NLGN1: variants seen among roughly 807,000 people sequenced by gnomAD.
NLGN1 encodes neuroligin-1.
A neutral mutation model predicts 65.5 loss-of-function variants in NLGN1; 12 were observed. The observed-to-expected ratio is 0.18, with a 90% confidence interval of 0.12 to 0.30. The LOEUF (loss-of-function observed/expected upper bound fraction) is 0.30, where lower values mean the gene tolerates loss of function less well. Among genes scored for constraint, NLGN1 ranks in the 10% least tolerant of loss-of-function variants. NLGN1 has a pLI of 1.00. For missense variants in NLGN1, 750 were observed against 1,007.1 expected (o/e 0.74, Z 3.46); for synonymous variants, 350 against 359.5 (o/e 0.97, Z 0.30).
At chr3:173,866,044 C>T (rs1730099167) in intron 4 of NLGN1, among the ~76,000 whole-genome samples, 1 of 152,132 alleles carries the variant, frequency 6.6e-6, no homozygotes, top group African/African-American at 2.4e-5. Context: ...AATCAGCCCC[C>T]TAAAGGAAAC....
At chr3:173,876,597 G>A (rs2150899938) in intron 4 of NLGN1, among the ~76,000 whole-genome samples, 1 of 152,162 alleles carries the variant, frequency 6.6e-6, no homozygotes, top group South Asian at 2.1e-4. Context: ...GCTGGGGCAG[G>A]AAAACATAAG....
chr3:173,507,542 C>A (rs1191871388), intron 2 of NLGN1, among the ~76,000 whole-genome samples: 1 of 152,072 alleles, frequency 6.6e-6, no homozygotes, highest in Non-Finnish European at 1.5e-5. Context: ...TGGTCTTCAG[C>A]AAATTAGCAA....
chr3:174,158,391 A>T (rs1388699624), intron 4 of NLGN1, among the ~76,000 whole-genome samples: 2 of 151,818 alleles, frequency 1.3e-5, no homozygotes, highest in Non-Finnish European at 2.9e-5. Context: ...ACCAAACCCC[A>T]AAAGTTTATA....
At chr3:173,442,499 T>C (rs1399229610) in intron 2 of NLGN1, among the ~76,000 whole-genome samples, 4 of 152,164 alleles carry the variant, frequency 2.6e-5, no homozygotes, top group Non-Finnish European at 5.9e-5. Flanking sequence ...AAAAAGAGAT[T>C]CCTGCAGGCT....
intron 2 of NLGN1, among the ~76,000 whole-genome samples, chr3:173,533,191 C>G (rs1479911954): frequency 6.6e-6 from 1 of 152,174 alleles, no homozygotes; most frequent in Non-Finnish European, 1.5e-5. Flanking sequence ...TATTGGATAA[C>G]TCACACAAAA....
intron 4 of NLGN1, among the ~76,000 whole-genome samples, chr3:174,171,286 C>T (rs958334616): frequency 1.3e-4 from 20 of 151,518 alleles, no homozygotes; most frequent in African/African-American, 4.6e-4. Context: ...TTTGAAAGAC[C>T]GAATTTTTAT....
chr3:174,031,957 A>G lies in NLGN1; in HGVS notation c.646+224125A>G, dbSNP rs566358358. Reference sequence around the variant, plus strand: ...AGAAACAGCTTTAATAACAAAAAAAAATAGTTATTATATATTTTCTTAGCA... The same window carrying G: ...AGAAACAGCTTTAATAACAAAAAAAGATAGTTATTATATATTTTCTTAGCA... On this transcript the variant is annotated intron_variant, in intron 4 of 6. Coordinates refer to ENST00000457714, the Ensembl canonical transcript of NLGN1. Among the ~76,000 whole-genome samples, 14 of 152,120 alleles carry G rather than the reference A, an allele frequency of 9.2e-5. No individual in the cohort carries two copies. In the East Asian group the frequency reaches 2.7e-3, roughly 29 times the overall value.
chr3:174,069,740 G>A (rs1739407409), intron 4 of NLGN1, among the ~76,000 whole-genome samples: 1 of 152,138 alleles, frequency 6.6e-6, no homozygotes, highest in African/African-American at 2.4e-5. Flanking sequence ...AATCATCTCA[G>A]GGTGTCAGAT....
intron 4 of NLGN1, among the ~76,000 whole-genome samples, chr3:173,837,975 A>T (rs987511173): frequency 4.7e-4 from 72 of 152,316 alleles, no homozygotes; most frequent in African/African-American, 1.7e-3. Context: ...GAAGTTTTAC[A>T]AATGGCACAC....
chr3:174,039,544 GT>G (rs1447503674), intron 4 of NLGN1, among the ~76,000 whole-genome samples: 1 of 152,076 alleles, frequency 6.6e-6, no homozygotes, highest in Non-Finnish European at 1.5e-5. Context: ...TTTCCAAAAT[GT>G]TTTCATTGGC....
chr3:173,425,978 T>C (rs1185908406), intron 1 of NLGN1, among the ~76,000 whole-genome samples: 1 of 152,156 alleles, frequency 6.6e-6, no homozygotes, highest in African/African-American at 2.4e-5. Context: ...TGTCTTTTAA[T>C]TTTTTGTGTG....
At chr3:173,880,500 A>AT (rs1429943166) in intron 4 of NLGN1, among the ~76,000 whole-genome samples, 21 of 150,972 alleles carry the variant, frequency 1.4e-4, no homozygotes, top group African/African-American at 4.9e-4. Context: ...TTTTTTTTTT[A>AT]TTTTCTAGTG....
At chr3:174,274,686 T>TTAAAG (rs1462039366) in intron 4 of NLGN1, among the ~76,000 whole-genome samples, 1 of 151,844 alleles carries the variant, frequency 6.6e-6, no homozygotes, top group Non-Finnish European at 1.5e-5. Flanking sequence ...AGTTTGGCAT[T>TTAAAG]TAAAGTAGTC....
At chr3:173,484,153 T>C (rs1451580980) in intron 2 of NLGN1, among the ~76,000 whole-genome samples, 1 of 152,084 alleles carries the variant, frequency 6.6e-6, no homozygotes, top group Non-Finnish European at 1.5e-5. Context: ...GAAAAAACCT[T>C]AAACCTATGT....
chr3:173,826,971 T>G (rs1054638147), intron 4 of NLGN1, among the ~76,000 whole-genome samples: 1 of 152,012 alleles, frequency 6.6e-6, no homozygotes, highest in African/African-American at 2.4e-5. Flanking sequence ...GCAAGTAATA[T>G]GTACTGTGAA....
chr3:173,596,929 A>G (rs1749586021), intron 2 of NLGN1, among the ~76,000 whole-genome samples: 2 of 152,090 alleles, frequency 1.3e-5, no homozygotes, highest in South Asian at 4.1e-4. Flanking sequence ...CTGTTCTATC[A>G]TTCTTTACTT....
chr3:173,911,112 CA>C (rs1335582015), intron 4 of NLGN1, among the ~76,000 whole-genome samples: 2 of 152,092 alleles, frequency 1.3e-5, no homozygotes, highest in East Asian at 3.8e-4. Flanking sequence ...AGAAAGAAAA[CA>C]AACTGTTATA....
intron 4 of NLGN1, among the ~76,000 whole-genome samples, chr3:174,271,489 C>G (rs1749395688): frequency 6.6e-6 from 1 of 151,760 alleles, no homozygotes; most frequent in Admixed American, 6.6e-5. Flanking sequence ...AACAGTAGCC[C>G]AAGCCCATAC....
At chr3:173,497,624 CA>C (rs1394783434) in intron 2 of NLGN1, among the ~76,000 whole-genome samples, 2 of 151,480 alleles carry the variant, frequency 1.3e-5, no homozygotes, top group Non-Finnish European at 2.9e-5. Context: ...GTGTAAGCTA[CA>C]AAAAATGTCT....
Sources: allele counts gnomAD v4.1 joint callset (sites outside exome capture counted in the v4.1 genomes callset), GRCh38; gene constraint gnomAD v4.1.1; transcripts MANE v1.5; gene names NCBI Gene and HGNC (gene_info 2026-07-23, HGNC 2026-07-21).